IL1RL1: variants seen among roughly 807,000 people sequenced by gnomAD.
IL1RL1 encodes the protein interleukin-1 receptor-like 1.
Under a neutral mutation model 50.9 loss-of-function variants are expected in IL1RL1, and 32 were observed. The observed-to-expected ratio is 0.63, with a 90% CI of 0.47 to 0.84. The LOEUF is 0.84. IL1RL1 is among the 40% of genes least tolerant of loss of function. IL1RL1 has a pLI of 0.00. For synonymous variants in IL1RL1, 275 were observed against 236.0 expected (o/e 1.17, Z -1.51); for missense variants, 773 against 662.9 (o/e 1.17, Z -1.82).
intron 1 of IL1RL1, among the ~76,000 whole-genome samples, chr2:102,314,465 C>T (rs529241243): frequency 1.3e-5 from 2 of 152,266 alleles, no homozygotes; most frequent in South Asian, 4.2e-4. Context: ...AGATAGTGTC[C>T]ACCAAGATGT....
intron 1 of IL1RL1, among the ~76,000 whole-genome samples, chr2:102,315,961 G>T (rs1676661460): frequency 6.6e-6 from 1 of 152,106 alleles, no homozygotes; most frequent in African/African-American, 2.4e-5. Context: ...GATCCTTTAG[G>T]TTTTTCCATT....
At chr2:102,333,159 A>C (rs567441962) in intron 1 of IL1RL1, among the ~76,000 whole-genome samples, 1 of 152,230 alleles carries the variant, frequency 6.6e-6, no homozygotes, top group East Asian at 1.9e-4. Flanking sequence ...CCTAGGTTCT[A>C]ACAGAATCTC....
Position 102,340,691 on chromosome 2 carries a change from G to A in IL1RL1, c.473G>A (p.Arg158Lys), listed in dbSNP as rs778592561. ...AATTGTCAGGCTCTTCAAGGATCAAGGTACAGGGCGCACAAGTCATTTTTG... is the reference window on the plus strand; with the variant it reads ...AATTGTCAGGCTCTTCAAGGATCAAAGTACAGGGCGCACAAGTCATTTTTG... ...FKNCQALQGSRYRAHKSFLVI... is the reference protein window; with the variant it reads ...FKNCQALQGSKYRAHKSFLVI... Residue 158 changes from arginine to lysine, a missense_variant, in exon 5 of 11, where the codon AGG becomes AAG. Coordinates refer to ENST00000233954, the MANE Select transcript of IL1RL1 (RefSeq NM_016232.5). The A allele has an allele frequency of 2.5e-6, 4 of 1,595,156 alleles. No individual in the cohort carries two copies. Among genetic ancestry groups the A allele is most frequent in the South Asian group, 1.1e-5 (1 of 87,490 alleles).
intron 1 of IL1RL1, 23 bp downstream of exon 1, chr2:102,311,646 T>A (rs1429566139): frequency 1.3e-5 from 2 of 148,330 alleles, no homozygotes; most frequent in Non-Finnish European, 3.0e-5. Flanking sequence ...GGGGTATTTT[T>A]CAAAAATACT....
At chr2:102,334,749 G>A (rs1365536452) in intron 1 of IL1RL1, among the ~76,000 whole-genome samples, 1 of 152,096 alleles carries the variant, frequency 6.6e-6, no homozygotes, top group Non-Finnish European at 1.5e-5. Flanking sequence ...GAGTGTGTTA[G>A]GACATTTACA....
chr2:102,342,083 GTGTGTT>G, intron 5 of IL1RL1, 134 bp from the exon 6 acceptor site: 17 of 504,160 alleles, frequency 3.4e-5, no homozygotes, highest in Non-Finnish European at 3.6e-6. Flanking sequence ...GTGTGTGTGT[GTGTGTT>G]TGTCATTATG....
chr2:102,340,804 G>A lies in IL1RL1; in HGVS notation c.586G>A (p.Ala196Thr). The change falls in exon 5 of 11, where the codon GCG becomes ACG. Residue 196 changes from alanine to threonine, a missense_variant. Physicochemically the swap from Ala to Thr is moderately conservative, Grantham distance 58. Coordinates refer to ENST00000233954, the MANE Select transcript of IL1RL1 (RefSeq NM_016232.5). ...NENGANYSVTATRSFTVKDEQ... is the reference protein window; with the variant it reads ...NENGANYSVTTTRSFTVKDEQ... ...AAATGGAGCCAATTATAGTGTGACG[G>A]CGACCAGGTCCTTCACGGTCAAGGG... 1 of 1,576,808 alleles carries A rather than the reference G, an allele frequency of 6.3e-7. No individual in the cohort carries two copies. Among genetic ancestry groups the A allele is most frequent in the Non-Finnish European group, 8.6e-7 (1 of 1,168,704 alleles).
At chr2:102,321,922 A>G (rs923891665) in intron 1 of IL1RL1, among the ~76,000 whole-genome samples, 3 of 152,230 alleles carry the variant, frequency 2.0e-5, no homozygotes, top group Non-Finnish European at 4.4e-5. Flanking sequence ...AAACAACTCT[A>G]GTCTGATTAG....
chr2:102,345,271 T>C (rs2104996066), intron 8 of IL1RL1: 1 of 985,458 alleles, frequency 1.0e-6, no homozygotes, highest in Non-Finnish European at 1.2e-6. Flanking sequence ...AATGTTGTCT[T>C]GGAAAACAGC....
intron 1 of IL1RL1, among the ~76,000 whole-genome samples, chr2:102,314,671 C>CA (rs1676622052): frequency 6.6e-6 from 1 of 152,166 alleles, no homozygotes; most frequent in Admixed American, 6.5e-5. Context: ...AGGTGAGTGA[C>CA]AACTATCTGG....
At chr2:102,312,210 A>T (rs2104955172) in intron 1 of IL1RL1, among the ~76,000 whole-genome samples, 1 of 143,050 alleles carries the variant, frequency 7.0e-6, no homozygotes, top group East Asian at 2.0e-4. Flanking sequence ...CTTTAGCTGA[A>T]TTAAATTTAA....
intron 1 of IL1RL1, among the ~76,000 whole-genome samples, chr2:102,311,976 ATATAAT>A (rs1676510957): frequency 3.1e-5 from 1 of 32,648 alleles, no homozygotes; most frequent in Non-Finnish European, 4.8e-5. Context: ...ATAATATTAT[ATATAAT>A]ATATATTATA....
chr2:102,349,137 T>A lies in IL1RL1; in HGVS notation c.1176T>A (p.Asp392Glu). The A allele has an allele frequency of 6.2e-7, 1 of 1,613,546 alleles. No individual in the cohort carries two copies. Among genetic ancestry groups the A allele is most frequent in the South Asian group, 1.1e-5 (1 of 91,068 alleles). The change falls in exon 10 of 11, where the codon GAT (aspartate) becomes GAA (glutamate). Residue 392 changes from aspartate (D) to glutamate (E), a missense_variant. Transcript: ENST00000233954. ...VYPRNYKSST[D>E]GASRVEHFVH... ...CACGGAACTACAAATCCAGTACAGA[T>A]GGGGCCAGTCGTGTAGAGCACTTTG... is the stretch of plus-strand genomic sequence containing the variant.
At chr2:102,348,282 C>G (rs13017455) in intron 9 of IL1RL1, among the ~76,000 whole-genome samples, 191 bp downstream of exon 9, 1 of 151,962 alleles carries the variant, frequency 6.6e-6, no homozygotes, top group Non-Finnish European at 1.5e-5. Flanking sequence ...TAAATCCTCA[C>G]GGTCCTGAGA....
At chr2:102,344,465 C>T (rs1364428163) in intron 8 of IL1RL1, 1 of 564,574 alleles carries the variant, frequency 1.8e-6, no homozygotes, top group Non-Finnish European at 2.2e-6. Context: ...TCAGGTACCA[C>T]GTATTCCAGG....
chr2:102,341,875 C>T (rs908498649), intron 5 of IL1RL1, among the ~76,000 whole-genome samples: 3 of 152,076 alleles, frequency 2.0e-5, no homozygotes, highest in Non-Finnish European at 4.4e-5. Context: ...TTGAAATCTT[C>T]TCTGTAGTCT....
chr2:102,317,453 T>C (rs996145063), intron 1 of IL1RL1, among the ~76,000 whole-genome samples: 16 of 152,284 alleles, frequency 1.1e-4, no homozygotes, highest in African/African-American at 2.9e-4. Context: ...AAAAATGTAA[T>C]TCATAAACTC....
chr2:102,352,034 C>T lies in IL1RL1; in HGVS notation c.*113C>T, dbSNP rs947798702. ...AGCAGGAATATTAAAGGGATTCAGG[C>T]CTCAGGTTTCATCTGGTAACTTTCC... On this transcript the variant is annotated 3_prime_UTR_variant, in exon 11 of 11. Coordinates refer to ENST00000233954, the MANE Select transcript of IL1RL1 (RefSeq NM_016232.5). 1 of 1,098,114 alleles carries T rather than the reference C, an allele frequency of 9.1e-7. No homozygotes were observed. Among genetic ancestry groups the T allele is most frequent in the African/African-American group, 1.6e-5 (1 of 62,488 alleles). 68.0% of individuals were successfully genotyped at this position (1,098,114 alleles called of 1,614,324 possible).
chr2:102,342,937 A>G (rs896954344), intron 6 of IL1RL1, 99 bp from the exon 7 acceptor site: 9 of 1,166,206 alleles, frequency 7.7e-6, no homozygotes, highest in Non-Finnish European at 1.1e-5. Context: ...GGTGGGGTGC[A>G]TACTAAGTGT....
Sources: gnomAD v4.1 joint callset for allele counts (sites outside exome capture counted in the v4.1 genomes callset) on GRCh38, gnomAD v4.1.1 for gene constraint, MANE v1.5 for transcripts, NCBI Gene and HGNC (gene_info 2026-07-23, HGNC 2026-07-21) for gene names.